HECW2: variants seen among roughly 807,000 people sequenced by gnomAD.
HECW2 encodes E3 ubiquitin-protein ligase HECW2.
A neutral mutation model predicts 175.2 loss-of-function variants in HECW2; 61 were observed. The observed-to-expected ratio is 0.35, with a 90% confidence interval of 0.28 to 0.43. HECW2 has a LOEUF of 0.43. Ranked by LOEUF, HECW2 falls within the 20% of genes least tolerant of loss-of-function variation. The pLI is 1.00. For synonymous variants in HECW2, 671 were observed against 731.0 expected (o/e 0.92, Z 1.32); for missense variants, 1,524 against 2,000.5 (o/e 0.76, Z 4.54).
In HECW2 at chr2:196,480,459, G is replaced by GTA. The variant is rs550897202; in HGVS notation, c.-35-47003_-35-47002dup. Among the ~76,000 whole-genome samples the GTA allele has an allele frequency of 5.0e-3, 764 of 152,280 alleles. 3 individuals are homozygous for GTA. Among genetic ancestry groups the GTA allele is most frequent in the Middle Eastern group, 0.014 (4 of 294 alleles). ...CGAGGCCTCCCTCAAGGCCCCAAGG[G>GTA]TAGAGAAGAGGATCCCAGCCTAGGA... On this transcript the variant is annotated intron_variant, in intron 1 of 28. Coordinates refer to ENST00000644978, the MANE Select transcript of HECW2 (RefSeq NM_001348768.2).
chr2:196,322,910 T>A lies in HECW2; in HGVS notation c.742-290A>T, dbSNP rs538759981. Among the ~76,000 whole-genome samples the A allele has an allele frequency of 3.9e-5, 6 of 152,346 alleles. No individual in the cohort carries two copies. In the South Asian group the frequency reaches 1.0e-3, roughly 26 times the overall value. ...TAGGAGATGTTATCAAATATTAAGT[T>A]ATGCACAATGCAATTTTAGTACTCC... On this transcript the variant is annotated intron_variant, in intron 6 of 28. Coordinates refer to ENST00000644978, the MANE Select transcript of HECW2 (RefSeq NM_001348768.2).
chr2:196,552,156 A>G (rs186044508), intron 1 of HECW2, among the ~76,000 whole-genome samples: 3 of 152,360 alleles, frequency 2.0e-5, no homozygotes, highest in Admixed American at 2.0e-4. Context: ...ACCCAAAATG[A>G]TAAGAATTAT....
At chr2:196,324,956 G>T in intron 6 of HECW2, 24 bp downstream of exon 6, 1 of 1,530,902 alleles carries the variant, frequency 6.5e-7, no homozygotes, top group South Asian at 1.3e-5. Flanking sequence ...CCATCAAGTA[G>T]GAGACCCCCG....
At chr2:196,483,044 G>T (rs1183659300) in intron 1 of HECW2, among the ~76,000 whole-genome samples, 2 of 137,234 alleles carry the variant, frequency 1.5e-5, no homozygotes, top group African/African-American at 5.4e-5. Context: ...TTTCAGACTA[G>T]TATTTTAAAA....
At chr2:196,515,572 C>T (rs1380881015) in intron 1 of HECW2, among the ~76,000 whole-genome samples, 2 of 152,216 alleles carry the variant, frequency 1.3e-5, no homozygotes, top group Admixed American at 1.3e-4. Context: ...CAACATGCAA[C>T]CCTTTCCAAC....
chr2:196,488,836 T>G (rs912404849), intron 1 of HECW2, among the ~76,000 whole-genome samples: 7 of 152,308 alleles, frequency 4.6e-5, no homozygotes, highest in African/African-American at 1.7e-4. Flanking sequence ...CACAGGATAT[T>G]GTAGAAACTA....
intron 2 of HECW2, among the ~76,000 whole-genome samples, chr2:196,430,293 G>C (rs575589818): frequency 6.6e-6 from 1 of 152,092 alleles, no homozygotes; most frequent in South Asian, 2.1e-4. Flanking sequence ...AAATAAACCT[G>C]CTTATTAGAA....
intron 3 of HECW2, among the ~76,000 whole-genome samples, chr2:196,341,140 G>C (rs1692734905): frequency 6.6e-6 from 1 of 152,128 alleles, no homozygotes; most frequent in South Asian, 2.1e-4. Context: ...CTCTGTAAAT[G>C]GGCTTTTTCT....
intron 1 of HECW2, among the ~76,000 whole-genome samples, chr2:196,524,363 CTCTT>C (rs1280996486): frequency 3.9e-5 from 4 of 101,780 alleles, no homozygotes; most frequent in Non-Finnish European, 7.2e-5. Context: ...TGATTCTTCT[CTCTT>C]TTTTTCTTTA....
chr2:196,344,106 A>G (rs902389410), intron 2 of HECW2, among the ~76,000 whole-genome samples: 10 of 152,162 alleles, frequency 6.6e-5, no homozygotes, highest in African/African-American at 1.9e-4. Flanking sequence ...CCCATTTGTA[A>G]AACGCTTTTA....
chr2:196,494,675 A>C, intron 1 of HECW2, among the ~76,000 whole-genome samples: 1 of 152,218 alleles, frequency 6.6e-6, no homozygotes, highest in East Asian at 1.9e-4. Context: ...AAAAAACTGA[A>C]TATATGAAAT....
At chr2:196,363,220 A>G (rs1476048552) in intron 2 of HECW2, among the ~76,000 whole-genome samples, 1 of 152,142 alleles carries the variant, frequency 6.6e-6, no homozygotes, top group Non-Finnish European at 1.5e-5. Flanking sequence ...AATAATAGCA[A>G]GCATGTTCAG....
chr2:196,225,250 T>A (rs969609523), intron 23 of HECW2, among the ~76,000 whole-genome samples: 1 of 152,176 alleles, frequency 6.6e-6, no homozygotes, highest in Admixed American at 6.5e-5. Flanking sequence ...ACTAAGGGCA[T>A]AGAGAAAGTT....
chr2:196,385,302 C>T (rs1003208597), intron 2 of HECW2, among the ~76,000 whole-genome samples: 2 of 152,146 alleles, frequency 1.3e-5, no homozygotes, highest in Non-Finnish European at 2.9e-5. Context: ...CAAGCCCCGG[C>T]TCATTTATTT....
chr2:196,518,189 T>TGTAACC (rs1688216995), intron 1 of HECW2, among the ~76,000 whole-genome samples: 1 of 152,164 alleles, frequency 6.6e-6, no homozygotes, highest in Non-Finnish European at 1.5e-5. Flanking sequence ...TACAGGTCTC[T>TGTAACC]TGTAATCCAA....
chr2:196,216,122 C>T (rs1687466708), intron 27 of HECW2, 145 bp from the exon 28 acceptor site: 1 of 609,758 alleles, frequency 1.6e-6, no homozygotes, highest in Non-Finnish European at 2.9e-6. Flanking sequence ...GGAATAATCA[C>T]AACACAATTC....
At chr2:196,415,009 A>T (rs1056732990) in intron 2 of HECW2, among the ~76,000 whole-genome samples, 1 of 152,152 alleles carries the variant, frequency 6.6e-6, no homozygotes, top group Non-Finnish European at 1.5e-5. Context: ...CTGAAGTGAA[A>T]GGTGACAGCC....
chr2:196,203,809 T>C (rs1575214073), intron 28 of HECW2, among the ~76,000 whole-genome samples: 1 of 152,306 alleles, frequency 6.6e-6, no homozygotes, highest in South Asian at 2.1e-4. Context: ...TCACTATCCA[T>C]CTCCAGAACT....
At chr2:196,352,448 A>C (rs1201460538) in intron 2 of HECW2, among the ~76,000 whole-genome samples, 1 of 152,216 alleles carries the variant, frequency 6.6e-6, no homozygotes, top group Non-Finnish European at 1.5e-5. Context: ...ACTATCTCTG[A>C]CATGGACCTC....
Sources: gnomAD v4.1 joint callset for allele counts (sites outside exome capture counted in the v4.1 genomes callset) on GRCh38, gnomAD v4.1.1 for gene constraint, MANE v1.5 for transcripts, NCBI Gene and HGNC (gene_info 2026-07-23, HGNC 2026-07-21) for gene names.